JPH3: variants seen among roughly 807,000 people sequenced by gnomAD.
JPH3 encodes the protein junctophilin-3.
A neutral mutation model predicts 59.6 loss-of-function variants in JPH3; 11 were observed. The ratio of observed to expected loss-of-function variants is 0.18; its 90% confidence interval spans 0.12 to 0.31. The LOEUF (loss-of-function observed/expected upper bound fraction) is 0.31. Ranked by LOEUF, JPH3 falls within the 10% of genes least tolerant of loss-of-function variation. The pLI is 1.00. For missense variants in JPH3, 1,202 were observed against 1,105.7 expected (o/e 1.09, Z -1.24); for synonymous variants, 673 against 483.6 (o/e 1.39, Z -5.14).
At chr16:87,657,720 A>G (rs547419347) in intron 2 of JPH3, among the ~76,000 whole-genome samples, 8 of 152,316 alleles carry the variant, frequency 5.3e-5, no homozygotes, top group African/African-American at 1.4e-4. Flanking sequence ...GCTTACCCCC[A>G]TGACCACAGG....
intron 2 of JPH3, among the ~76,000 whole-genome samples, chr16:87,658,937 C>T (rs1360761858): frequency 6.6e-6 from 1 of 152,230 alleles, no homozygotes; most frequent in Non-Finnish European, 1.5e-5. Flanking sequence ...TGGTGTCTTG[C>T]TGAGCAATAA....
rs769616832 is a variant in JPH3, at chr16:87,644,391, C to G, written c.516C>G (p.Thr172=). The change falls in exon 2 of 5, where the codon ACC becomes ACG. Residue 172 remains threonine (T), a synonymous_variant. Coordinates refer to ENST00000284262, the MANE Select transcript of JPH3 (RefSeq NM_020655.4). Reference sequence around the variant, plus strand: ...TCAACTCCCTGCGCAGCGAGCACACCAACGGCACGGCGCTGCATCCCGACG... The same window carrying G: ...TCAACTCCCTGCGCAGCGAGCACACGAACGGCACGGCGCTGCATCCCGACG... ...TSINSLRSEH[T]NGTALHPDAS... 3 of 1,612,786 alleles carry G rather than the reference C, an allele frequency of 1.9e-6. No individual in the cohort carries two copies. The highest frequency in any genetic ancestry group is 1.3e-5 in the African/African-American group (1 of 75,060).
chr16:87,680,559 G>A (rs919798034), intron 2 of JPH3, among the ~76,000 whole-genome samples: 3 of 152,244 alleles, frequency 2.0e-5, no homozygotes, highest in African/African-American at 7.2e-5. Flanking sequence ...GGCGGGATCT[G>A]TAACGTGACT....
intron 2 of JPH3, among the ~76,000 whole-genome samples, chr16:87,665,395 C>T (rs758639814): frequency 7.2e-5 from 11 of 152,246 alleles, no homozygotes; most frequent in Non-Finnish European, 1.0e-4. Flanking sequence ...GGCCCAGCCC[C>T]GCTGTGACCT....
At chr16:87,619,053 A>G (rs890868588) in intron 1 of JPH3, among the ~76,000 whole-genome samples, 2 of 148,516 alleles carry the variant, frequency 1.3e-5, no homozygotes, top group Non-Finnish European at 3.0e-5. Flanking sequence ...GCACCACTGC[A>G]CTCTAGCCTG....
chr16:87,617,336 A>G (rs2031008562), intron 1 of JPH3, among the ~76,000 whole-genome samples: 4 of 152,174 alleles, frequency 2.6e-5, no homozygotes, highest in Admixed American at 1.3e-4. Context: ...CTGTCCCTTG[A>G]AGGGCATCTG....
In JPH3 at chr16:87,644,571, C is replaced by G. The variant is rs920163940; in HGVS notation, c.696C>G (p.Ser232Arg). The G allele has an allele frequency of 8.7e-6, 14 of 1,612,746 alleles. No homozygotes were observed. The highest frequency in any genetic ancestry group is 1.1e-5 in the Non-Finnish European group (13 of 1,179,814). Residue 232 changes from serine to arginine, a missense_variant, in exon 2 of 5, where the codon AGC (serine) becomes AGG (arginine). Physicochemically the swap from Ser to Arg is moderately radical, Grantham distance 110 (BLOSUM62 -1). Coordinates refer to ENST00000284262, the MANE Select transcript of JPH3 (RefSeq NM_020655.4). ...GLKLRKSESK[S>R]SLASQRSKQS... The stretch of plus-strand genomic sequence containing the variant: ...AGCTGCGCAAGTCGGAGTCCAAGAG[C>G]AGCCTGGCCAGCCAACGCAGCAAGC...
chr16:87,643,835 C>G (rs1216204875), intron 1 of JPH3, among the ~76,000 whole-genome samples: 1 of 148,066 alleles, frequency 6.8e-6, no homozygotes, highest in East Asian at 2.1e-4. Context: ...GCAAACCTCA[C>G]CAGGTTTCAT....
In JPH3 at chr16:87,611,355, G is replaced by A. The variant is rs2030727213; in HGVS notation, c.382+7827G>A. ...GCTTCTGGGGGTAGGCAGTGCCTGA[G>A]TTGAGTCTGGAAGGGCAGTAGGGTG... On this transcript the variant is annotated intron_variant, in intron 1 of 4. Coordinates refer to ENST00000284262, the MANE Select transcript of JPH3 (RefSeq NM_020655.4). The surrounding 1 kb of genome is among the most constrained non-coding windows in gnomAD (Gnocchi z 4.5). 6.6e-6 allele frequency among the ~76,000 whole-genome samples: 1 copy of A among 152,196 alleles called. No individual in the cohort carries two copies. The highest frequency in any genetic ancestry group is 2.4e-5 in the African/African-American group (1 of 41,444).
intron 2 of JPH3, among the ~76,000 whole-genome samples, chr16:87,668,467 C>A (rs1416364417): frequency 6.6e-6 from 1 of 152,166 alleles, no homozygotes; most frequent in Non-Finnish European, 1.5e-5. Flanking sequence ...CTTCATGCCT[C>A]CCTGTTAAGG....
chr16:87,640,881 C>G (rs1380635409), intron 1 of JPH3, among the ~76,000 whole-genome samples: 1 of 152,234 alleles, frequency 6.6e-6, no homozygotes, highest in Non-Finnish European at 1.5e-5. Context: ...GTGATGGCAG[C>G]CTGTGTCCAG....
rs532225979 is a variant in JPH3, at chr16:87,688,969, C to T, written c.1286-677C>T. Reference sequence around the variant, plus strand: ...CAATGCTGCCCCTCCCTATCCAGGCCTCCGGGTGGGGGCTGATGGGGACTG... The same window carrying T: ...CAATGCTGCCCCTCCCTATCCAGGCTTCCGGGTGGGGGCTGATGGGGACTG... On this transcript the variant is annotated intron_variant, in intron 3 of 4. Transcript: ENST00000284262. Among the ~76,000 whole-genome samples, 23 of 152,292 alleles carry T rather than the reference C, an allele frequency of 1.5e-4. No individual in the cohort carries two copies. The South Asian group carries it at 4.4e-3, about 29-fold the overall frequency.
intron 1 of JPH3, among the ~76,000 whole-genome samples, chr16:87,633,895 C>T (rs1190986640): frequency 1.4e-5 from 2 of 147,724 alleles, no homozygotes; most frequent in South Asian, 4.2e-4. Context: ...ACCATAACCC[C>T]AAACCCTTGC....
At chr16:87,624,942 G>A (rs538802524) in intron 1 of JPH3, among the ~76,000 whole-genome samples, 1 of 152,286 alleles carries the variant, frequency 6.6e-6, no homozygotes, top group East Asian at 1.9e-4. Context: ...TGGGATTATA[G>A]GCATGCGCCA....
At chr16:87,694,011 G>A (rs998288086) in intron 4 of JPH3, 2 of 152,262 alleles carry the variant, frequency 1.3e-5, no homozygotes, top group Non-Finnish European at 1.5e-5. Flanking sequence ...TCCCGAGGAA[G>A]CTGTGCCAAC....
At chr16:87,630,238 T>G (rs1399128800) in intron 1 of JPH3, among the ~76,000 whole-genome samples, 1 of 152,198 alleles carries the variant, frequency 6.6e-6, no homozygotes, top group Admixed American at 6.5e-5. Flanking sequence ...GCTGCCCACC[T>G]CTGGGGCCAG....
rs1864151 is a variant in JPH3, at chr16:87,608,387, A to T, written c.382+4859A>T. ...TGACAAAAAGACTTGTGAGTACTAG[A>T]GGAGAGGGTGATGTTGGTGTGAATT... On this transcript the variant is annotated intron_variant, in intron 1 of 4. Coordinates refer to ENST00000284262, the MANE Select transcript of JPH3 (RefSeq NM_020655.4). Among the ~76,000 whole-genome samples the T allele has an allele frequency of 7.9e-5, 12 of 151,962 alleles. 1 individual carries two copies. Among genetic ancestry groups the T allele is most frequent in the Middle Eastern group, 6.3e-3 (2 of 316 alleles).
chr16:87,661,960 T>G (rs1456860271), intron 2 of JPH3, among the ~76,000 whole-genome samples: 1 of 152,262 alleles, frequency 6.6e-6, no homozygotes, highest in East Asian at 1.9e-4. Context: ...GCAGTTGATT[T>G]TACGCTCACA....
In JPH3 at chr16:87,652,143, T is replaced by G. The variant is rs554360402; in HGVS notation, c.1160+7108T>G. Among the ~76,000 whole-genome samples, 14 of 152,158 alleles carry G rather than the reference T, an allele frequency of 9.2e-5. No individual in the cohort carries two copies. The South Asian group carries it at 2.9e-3, about 32-fold the overall frequency. On this transcript the variant is annotated intron_variant, in intron 2 of 4. Coordinates refer to ENST00000284262, the MANE Select transcript of JPH3 (RefSeq NM_020655.4). ...GCGCCCACCACCGTGCCCAGCTAAT[T>G]TTTTTGTATTTTTAGTAGAGATGGG... is the stretch of plus-strand genomic sequence containing the variant.
Sources: gnomAD v4.1 joint callset for allele counts (sites outside exome capture counted in the v4.1 genomes callset) on GRCh38, gnomAD v4.1.1 for gene constraint, Gnocchi (gnomAD v3.1) non-coding constraint, MANE v1.5 for transcripts, NCBI Gene and HGNC (gene_info 2026-07-23, HGNC 2026-07-21) for gene names.